The following HTR2C variants were observed in gnomAD, a reference collection of about 807,000 sequenced individuals.
HTR2C encodes 5-hydroxytryptamine receptor 2C, also known as 5-hydroxytryptamine (serotonin) receptor 2C, G protein-coupled.
A neutral mutation model predicts 21.0 loss-of-function variants in HTR2C; 5 were observed. That is an observed-to-expected ratio of 0.24 (90% CI 0.12 to 0.50). The LOEUF is 0.50. Ranked by LOEUF, HTR2C falls within the 20% of genes least tolerant of loss-of-function variation. The pLI, the probability that HTR2C is intolerant of heterozygous loss-of-function variation, is 0.98. For missense variants in HTR2C, 271 were observed against 371.2 expected (o/e 0.73, Z 2.22); for synonymous variants, 150 against 145.3 (o/e 1.03, Z -0.23).
chrX:114,626,214 C>CAA (rs199644007), intron 2 of HTR2C, among the ~76,000 whole-genome samples: 4 of 89,295 alleles, frequency 4.5e-5, no homozygotes, highest in African/African-American at 1.3e-4. Context: ...CCCATCTCTG[C>CAA]AAAAAAAAAA....
intron 5 of HTR2C, among the ~76,000 whole-genome samples, chrX:114,850,472 T>C (rs904158741): frequency 1.8e-5 from 2 of 111,095 alleles, no homozygotes; most frequent in African/African-American, 6.5e-5. Context: ...AGATTAGAGA[T>C]GGCGAATTTC....
intron 1 of HTR2C, among the ~76,000 whole-genome samples, chrX:114,593,383 A>T (rs1000777686): frequency 9.0e-6 from 1 of 111,392 alleles, no homozygotes; most frequent in Middle Eastern, 4.6e-3. Context: ...GGTGCATGCC[A>T]CTGCACCTGG....
chrX:114,907,258 C>T lies in HTR2C; in HGVS notation c.1220C>T (p.Ser407Phe). ...CCAAGAGTTGCCGCCACTGCTTTGT[C>T]TGGGAGGGAGCTTAATGTTAACATT... ...QIPRVAATAL[S>F]GRELNVNIYR... The change falls in exon 6 of 6, where the codon TCT (serine) becomes TTT (phenylalanine). Residue 407 changes from serine (S) to phenylalanine (F), a missense_variant. Ser to Phe is a radical substitution (Grantham distance 155). Coordinates refer to ENST00000276198, the MANE Select transcript of HTR2C (RefSeq NM_000868.4). 1.7e-6 allele frequency: 2 copies of T among 1,211,464 alleles called. No individual in the cohort carries two copies. The highest frequency in any genetic ancestry group is 1.8e-5 in the South Asian group (1 of 56,958).
intron 4 of HTR2C, among the ~76,000 whole-genome samples, chrX:114,799,479 AAAAG>A (rs1346820555): frequency 9.0e-6 from 1 of 110,829 alleles, no homozygotes; most frequent in African/African-American, 3.3e-5. Context: ...CTGGAAAAAA[AAAAG>A]AATTACTTTA....
chrX:114,726,848 C>T lies in HTR2C; in HGVS notation c.-79-10C>T. ...AACTAATTTTCTCTTTCTTCTTTTT[C>T]TCTCCCCAGAAAGGATGATATGATG... On this transcript the variant is annotated splice_polypyrimidine_tract_variant and intron_variant, in intron 2 of 5. Transcript: ENST00000276198. 1 of 564,565 alleles carries T rather than the reference C, an allele frequency of 1.8e-6. No homozygotes were observed. The highest frequency in any genetic ancestry group is 2.8e-6 in the Non-Finnish European group (1 of 354,856). The allele number at this position is 564,565 out of a possible 1,213,427, so 46.5% of individuals were successfully genotyped here.
chrX:114,805,836 A>ATG (rs782074691), intron 4 of HTR2C, among the ~76,000 whole-genome samples: 1,476 of 8,381 alleles, frequency 0.18, 56 homozygotes, highest in African/African-American at 0.33. Context: ...TATATATACC[A>ATG]TATATACCAT....
At chrX:114,813,288 C>T (rs1556453334) in intron 4 of HTR2C, among the ~76,000 whole-genome samples, 2 of 111,595 alleles carry the variant, frequency 1.8e-5, no homozygotes, top group East Asian at 5.6e-4. Flanking sequence ...TAAATTTCTT[C>T]CAGAGTAGGA....
chrX:114,834,272 C>T (rs1281080857), intron 4 of HTR2C, among the ~76,000 whole-genome samples: 2 of 108,591 alleles, frequency 1.8e-5, no homozygotes, highest in South Asian at 4.2e-4. Context: ...CTTTCTGTCT[C>T]GTTGATCTGT....
chrX:114,718,071 G>T (rs781973926), intron 2 of HTR2C, among the ~76,000 whole-genome samples: 72 of 110,919 alleles, frequency 6.5e-4, no homozygotes, highest in Non-Finnish European at 7.9e-4. Flanking sequence ...CACCCAGACT[G>T]AAGTGCAGTG....
intron 3 of HTR2C, among the ~76,000 whole-genome samples, chrX:114,727,237 T>C (rs2147342097): frequency 8.9e-6 from 1 of 112,421 alleles, no homozygotes; most frequent in East Asian, 2.8e-4. Flanking sequence ...ATAATCTCAA[T>C]GTTCATGGCT....
At chrX:114,721,624 T>G (rs1933219642) in intron 2 of HTR2C, among the ~76,000 whole-genome samples, 1 of 108,412 alleles carries the variant, frequency 9.2e-6, no homozygotes, top group Non-Finnish European at 1.9e-5. Context: ...ATGCCTAGGT[T>G]TTCTTCTAGG....
chrX:114,652,567 A>G, intron 2 of HTR2C: 1 of 307,622 alleles, frequency 3.3e-6, no homozygotes, highest in East Asian at 1.1e-4. Context: ...CTGAAATATT[A>G]TCAAACTGAA....
intron 4 of HTR2C, among the ~76,000 whole-genome samples, chrX:114,811,786 A>G (rs1249828867): frequency 8.9e-6 from 1 of 111,987 alleles, no homozygotes; most frequent in Non-Finnish European, 1.9e-5. Flanking sequence ...ATGAGCTACT[A>G]TCTGTTCCCA....
At chrX:114,804,804 G>C (rs868923240) in intron 4 of HTR2C, among the ~76,000 whole-genome samples, 10 of 111,472 alleles carry the variant, frequency 9.0e-5, no homozygotes, top group South Asian at 3.8e-4. Context: ...CCTTGGTCTG[G>C]TGTCTGCTTC....
intron 5 of HTR2C, among the ~76,000 whole-genome samples, chrX:114,893,538 T>C (rs2071274706): frequency 2.7e-5 from 3 of 111,625 alleles, no homozygotes; most frequent in African/African-American, 9.7e-5. Context: ...TCATAGTATA[T>C]ACAAAATTAC....
At chrX:114,632,352 C>T (rs1273523496) in intron 2 of HTR2C, among the ~76,000 whole-genome samples, 1 of 111,515 alleles carries the variant, frequency 9.0e-6, no homozygotes, top group African/African-American at 3.3e-5. Context: ...AAGGACATGG[C>T]CCTCATTAAC....
chrX:114,884,533 G>T lies in HTR2C; in HGVS notation c.551-22056G>T, dbSNP rs1302600146. ...TTTCTCAAAAGAAGACATACAAATGGCCGGCACATATAAAAAAAATGCTCA... is the reference window on the plus strand; with the variant it reads ...TTTCTCAAAAGAAGACATACAAATGTCCGGCACATATAAAAAAAATGCTCA... On this transcript the variant is annotated intron_variant, in intron 5 of 5. Transcript: ENST00000276198. Among the ~76,000 whole-genome samples the T allele has an allele frequency of 4.5e-5, 5 of 110,533 alleles. No individual in the cohort carries two copies. The East Asian group carries it at 1.4e-3, about 31-fold the overall frequency.
intron 2 of HTR2C, among the ~76,000 whole-genome samples, chrX:114,663,720 G>T (rs1556410544): frequency 9.0e-6 from 1 of 111,323 alleles, no homozygotes; most frequent in East Asian, 2.8e-4. Context: ...TTATTTACCA[G>T]GTTGCCCTTT....
intron 5 of HTR2C, among the ~76,000 whole-genome samples, chrX:114,875,886 G>A (rs1191049103): frequency 9.5e-6 from 1 of 105,249 alleles, no homozygotes; most frequent in African/African-American, 3.4e-5. Flanking sequence ...CTGGCTATTT[G>A]GGGTCTTTTG....
Sources: allele counts gnomAD v4.1 joint callset (sites outside exome capture counted in the v4.1 genomes callset), GRCh38; gene constraint gnomAD v4.1.1; transcripts MANE v1.5; gene names NCBI Gene and HGNC (gene_info 2026-07-23, HGNC 2026-07-21).